The following DLC1 variants were observed in gnomAD, a reference collection of about 807,000 sequenced individuals.
The protein encoded by DLC1 is rho GTPase-activating protein 7.
In DLC1, 54 loss-of-function variants were observed where a neutral mutation model predicts 140.3. The observed-to-expected ratio is 0.38, with a 90% CI of 0.31 to 0.48. DLC1 has a LOEUF of 0.48. Among genes scored for constraint, DLC1 ranks in the 20% least tolerant of loss-of-function variants. The pLI, the probability that DLC1 is intolerant of heterozygous loss-of-function variation, is 0.96. For synonymous variants in DLC1, 986 were observed against 728.1 expected, an observed-to-expected ratio of 1.35 and a Z score of -5.70; for missense variants, 2,536 against 1,907.0, an observed-to-expected ratio of 1.33 and a Z score of -6.14.
intron 2 of DLC1, among the ~76,000 whole-genome samples, chr8:13,433,639 C>T (rs1474913091): frequency 6.6e-6 from 1 of 152,064 alleles, no homozygotes; most frequent in Non-Finnish European, 1.5e-5. Flanking sequence ...TGAGATTATG[C>T]AATTATAGGT....
chr8:13,212,540 G>A (rs889471935), intron 5 of DLC1, among the ~76,000 whole-genome samples: 1 of 152,006 alleles, frequency 6.6e-6, no homozygotes, highest in African/African-American at 2.4e-5. Context: ...TTTTGGTATT[G>A]CTCTGGGCAC....
chr8:13,352,279 A>G (rs1305372095), intron 4 of DLC1, among the ~76,000 whole-genome samples: 4 of 152,264 alleles, frequency 2.6e-5, no homozygotes, highest in Non-Finnish European at 5.9e-5. Context: ...CAAAAGCAAC[A>G]GGAAGTAAAG....
intron 2 of DLC1, among the ~76,000 whole-genome samples, chr8:13,411,600 TG>T (rs1428444127): frequency 6.6e-6 from 1 of 152,204 alleles, no homozygotes; most frequent in East Asian, 1.9e-4. Context: ...TGTACTACTT[TG>T]GTGCTGGATG....
At chr8:13,598,645 C>G (rs1805761325) in intron 1 of DLC1, among the ~76,000 whole-genome samples, 1 of 152,124 alleles carries the variant, frequency 6.6e-6, no homozygotes, top group African/African-American at 2.4e-5. Flanking sequence ...TTTGCATGCA[C>G]TATTTTTTCT....
At chr8:13,151,865 TA>T (rs896181276) in intron 5 of DLC1, among the ~76,000 whole-genome samples, 1 of 152,214 alleles carries the variant, frequency 6.6e-6, no homozygotes, top group East Asian at 1.9e-4. Flanking sequence ...CGGTAAAAGT[TA>T]TTTTTTTTAA....
intron 1 of DLC1, among the ~76,000 whole-genome samples, chr8:13,554,756 C>T (rs1803983159): frequency 6.6e-6 from 1 of 152,188 alleles, no homozygotes; most frequent in African/African-American, 2.4e-5. Flanking sequence ...TGCCTTTATG[C>T]TCTGGTTCTC....
intron 4 of DLC1, among the ~76,000 whole-genome samples, chr8:13,327,510 G>GC (rs1833415390): frequency 1.0e-4 from 15 of 149,924 alleles, no homozygotes; most frequent in African/African-American, 3.2e-4. Context: ...GGGGGTGGGG[G>GC]TTTCTCATTA....
chr8:13,115,716 T>A (rs933047956), intron 5 of DLC1, 59 bp from the exon 6 acceptor site: 2 of 1,532,300 alleles, frequency 1.3e-6, no homozygotes, highest in African/African-American at 2.7e-5. Flanking sequence ...TGCTTATTTT[T>A]CCTGAATAAG....
At position 13,401,588 on chromosome 8, in the gene DLC1, A is replaced by C; in HGVS notation, c.1055T>G (p.Leu352Arg). ...CATAATCAGCAGCACCATGGAGTCC[A>C]GCCGCGCCCTATCTCGATCTTCTCT... ...EIREDRDRAR[L>R]DSMVLLIMKL... The change falls in exon 3 of 18, where the codon CTG becomes CGG. Residue 352 changes from leucine (L) to arginine (R), a missense_variant. Transcript: ENST00000276297. 1.2e-6 allele frequency: 2 copies of C among 1,613,820 alleles called. No individual in the cohort carries two copies. Among genetic ancestry groups the C allele is most frequent in the Non-Finnish European group, 1.7e-6 (2 of 1,179,944 alleles).
chr8:13,600,038 A>G (rs1264634721), intron 1 of DLC1, among the ~76,000 whole-genome samples: 1 of 151,928 alleles, frequency 6.6e-6, no homozygotes, highest in African/African-American at 2.4e-5. Context: ...TAGTTGGAGA[A>G]GTTGACATGA....
intron 5 of DLC1, among the ~76,000 whole-genome samples, chr8:13,223,331 T>C (rs1450942135): frequency 2.0e-5 from 3 of 152,202 alleles, no homozygotes; most frequent in Non-Finnish European, 2.9e-5. Flanking sequence ...TCGTGCAGCC[T>C]CTTCGCACGT....
At chr8:13,335,751 T>C (rs1833788402) in intron 4 of DLC1, among the ~76,000 whole-genome samples, 2 of 152,158 alleles carry the variant, frequency 1.3e-5, no homozygotes, top group African/African-American at 2.4e-5. Flanking sequence ...GGATCTATTG[T>C]TCCATAGAAT....
intron 4 of DLC1, among the ~76,000 whole-genome samples, chr8:13,358,691 C>CA (rs35603108): frequency 0.45 from 66,977 of 149,180 alleles, 15,711 homozygotes; most frequent in South Asian, 0.56. Context: ...AGGAAGGAGC[C>CA]AAAAAAAAAT....
intron 8 of DLC1, 185 bp from the exon 9 acceptor site, chr8:13,100,955 G>C: frequency 1.6e-6 from 1 of 606,902 alleles, no homozygotes; most frequent in Non-Finnish European, 2.5e-6. Flanking sequence ...TGTACAGGCT[G>C]TATTGCCCAG....
chr8:13,469,250 C>T (rs928593444), intron 2 of DLC1, among the ~76,000 whole-genome samples: 1 of 152,094 alleles, frequency 6.6e-6, no homozygotes, highest in Non-Finnish European at 1.5e-5. Context: ...CTAAATTTTT[C>T]TGTGTTTAAA....
At chr8:13,124,875 C>T (rs2128958300) in intron 5 of DLC1, among the ~76,000 whole-genome samples, 1 of 152,324 alleles carries the variant, frequency 6.6e-6, no homozygotes, top group South Asian at 2.1e-4. Flanking sequence ...CCTCAAAAAA[C>T]TGGACCACTA....
chr8:13,260,477 G>A (rs1236324165), intron 5 of DLC1, among the ~76,000 whole-genome samples: 2 of 152,178 alleles, frequency 1.3e-5, no homozygotes, highest in Non-Finnish European at 2.9e-5. Context: ...GGATAGGAAA[G>A]AATAGATAAT....
intron 5 of DLC1, among the ~76,000 whole-genome samples, chr8:13,189,880 C>A (rs910963417): frequency 1.3e-4 from 12 of 92,640 alleles, no homozygotes; most frequent in African/African-American, 3.6e-4. Context: ...GAAACTCCAT[C>A]CCAGAAAAAA....
At chr8:13,467,913 A>G (rs182294791) in intron 2 of DLC1, among the ~76,000 whole-genome samples, 2 of 152,188 alleles carry the variant, frequency 1.3e-5, no homozygotes, top group Admixed American at 6.5e-5. Context: ...GATAAACCCA[A>G]TTTGGTTAAG....
Sources: gnomAD v4.1 joint callset for allele counts (sites outside exome capture counted in the v4.1 genomes callset) on GRCh38, gnomAD v4.1.1 for gene constraint, MANE v1.5 for transcripts, NCBI Gene and HGNC (gene_info 2026-07-23, HGNC 2026-07-21) for gene names.